Variants in PREP observed in about 807,000 individuals in gnomAD.
PREP encodes the protein dJ355L5.1 (prolyl endopeptidase).
In PREP, 29 loss-of-function variants were observed where a neutral mutation model predicts 87.6. The observed-to-expected ratio is 0.33, with a 90% CI of 0.25 to 0.45. The LOEUF (loss-of-function observed/expected upper bound fraction) is 0.45, where lower values mean the gene tolerates loss of function less well. Among genes scored for constraint, PREP ranks in the 20% least tolerant of loss-of-function variants. PREP has a pLI of 1.00. For synonymous variants in PREP, 337 were observed against 328.6 expected, an observed-to-expected ratio of 1.03 and a Z score of -0.28; for missense variants, 695 against 886.5, an observed-to-expected ratio of 0.78 and a Z score of 2.74.
chr6:105,329,155 A>ATTTT, intron 8 of PREP, 129 bp from the exon 9 acceptor site: 3 of 722,558 alleles, frequency 4.2e-6, no homozygotes, highest in Non-Finnish European at 4.4e-6. Context: ...TCACTTTTAC[A>ATTTT]TTTTTTTTTT....
chr6:105,374,635 TATATATATATATATA>T (rs1772640421), intron 4 of PREP, among the ~76,000 whole-genome samples: 8 of 228 alleles, frequency 0.035, no homozygotes, highest in East Asian at 0.1. Context: ...GAATTGTTTA[TATATATATATATATA>T]TATATATATA....
In PREP at chr6:105,351,086, T is replaced by C. The variant is rs141663782; in HGVS notation, c.823+1886A>G. On this transcript the variant is annotated intron_variant, in intron 7 of 14. Transcript: ENST00000652536. ...CCATGAGCTCACTGTGATGGTCTTT[T>C]TGCTATCAACTTGGCTAGGCTAGTA... Among the ~76,000 whole-genome samples the C allele has an allele frequency of 3.8e-3, 582 of 152,376 alleles. 2 individuals carry two copies. Among genetic ancestry groups the C allele is most frequent in the Middle Eastern group, 0.027 (8 of 294 alleles).
At chr6:105,279,352 TG>T (rs1770020621) in intron 14 of PREP, among the ~76,000 whole-genome samples, 1 of 152,196 alleles carries the variant, frequency 6.6e-6, no homozygotes, top group South Asian at 2.1e-4. Flanking sequence ...CCAGATAAGA[TG>T]GAGATCTGTT....
At chr6:105,298,350 C>T (rs1337010427) in intron 10 of PREP, 1 of 152,526 alleles carries the variant, frequency 6.6e-6, no homozygotes, top group Non-Finnish European at 1.5e-5. Context: ...ACCAGTTCGT[C>T]CAGGCCTTGG....
chr6:105,345,394 C>T (rs1179803506), intron 7 of PREP, among the ~76,000 whole-genome samples: 1 of 152,050 alleles, frequency 6.6e-6, no homozygotes, highest in African/African-American at 2.4e-5. Context: ...AAACCTGCTT[C>T]TTGGTGGGGA....
chr6:105,293,901 A>G (rs1770354045), intron 10 of PREP, among the ~76,000 whole-genome samples: 1 of 152,126 alleles, frequency 6.6e-6, no homozygotes, highest in Admixed American at 6.5e-5. Flanking sequence ...CGTACTTTCT[A>G]CTTCTTTGAT....
chr6:105,329,131 T>C (rs1457048769), intron 8 of PREP, 105 bp from the exon 9 acceptor site: 9 of 1,081,750 alleles, frequency 8.3e-6, no homozygotes, highest in Non-Finnish European at 1.2e-5. Context: ...TATGCAGCAA[T>C]GAGACTTGCA....
At chr6:105,299,392 A>G (rs1231686669) in intron 10 of PREP, among the ~76,000 whole-genome samples, 1 of 152,244 alleles carries the variant, frequency 6.6e-6, no homozygotes, top group East Asian at 1.9e-4. Flanking sequence ...TGAGGACAGG[A>G]GTTCAAGACC....
Position 105,282,503 on chromosome 6 carries a change from T to C in PREP, c.1629A>G (p.Thr543=), listed in dbSNP as rs1770106049. 6.2e-7 allele frequency: 1 copy of C among 1,614,036 alleles called. No homozygotes were observed. The highest frequency in any genetic ancestry group is 1.3e-5 in the African/African-American group (1 of 74,930). The change falls in exon 13 of 15, where the codon ACA becomes ACG. Residue 543 remains threonine, a synonymous_variant. Transcript: ENST00000652536. The part of the protein sequence containing the change: ...AAEYLIKEGY[T]SPKRLTINGG... ...CATTAATAGTCAGCCTCTTGGGAGA[T>C]GTGTAACCTTCCTTGATCAGATACT...
intron 2 of PREP, among the ~76,000 whole-genome samples, chr6:105,388,491 G>C (rs1172958659): frequency 6.6e-6 from 1 of 151,584 alleles, no homozygotes; most frequent in Non-Finnish European, 1.5e-5. Flanking sequence ...ATTGGGGGGT[G>C]GGGGTGGGGA....
rs1159571761 is a variant in PREP at position 105,402,867 on chromosome 6, C to T, written c.25G>A (p.Val9Met). 2 of 1,543,866 alleles carry T rather than the reference C, an allele frequency of 1.3e-6. No homozygotes were observed. Among genetic ancestry groups the T allele is most frequent in the South Asian group, 1.2e-5 (1 of 83,442 alleles). Residue 9 changes from valine to methionine, a missense_variant, in exon 1 of 15, where the codon GTG becomes ATG. By Grantham distance (21) the Val-to-Met change is conservative. This residue lies in a region of PREP where 517 missense variants were observed against 620.3 expected (regional missense o/e 0.83). Transcript: ENST00000652536. ...CTTACGGCGGTCTCGTCGCGGTACA[C>T]GTCGGGGTACTGAAGGGACAGCATG... Reference protein sequence around the residue: MLSLQYPDVYRDETAVQDY... With the variant: MLSLQYPDMYRDETAVQDY...
At chr6:105,279,506 T>C (rs988348588) in intron 14 of PREP, among the ~76,000 whole-genome samples, 2 of 152,242 alleles carry the variant, frequency 1.3e-5, no homozygotes, top group African/African-American at 4.8e-5. Context: ...TATTTATACA[T>C]TATCTGTAGG....
At chr6:105,368,503 A>C (rs1347382832) in intron 6 of PREP, among the ~76,000 whole-genome samples, 1 of 152,168 alleles carries the variant, frequency 6.6e-6, no homozygotes, top group African/African-American at 2.4e-5. Flanking sequence ...CAGTTGTATA[A>C]AAAAGGGAAA....
Position 105,379,302 on chromosome 6 carries a change from T to C in PREP, c.121-1783A>G, listed in dbSNP as rs552953928. On this transcript the variant is annotated intron_variant, in intron 2 of 14. Coordinates refer to ENST00000652536, the MANE Select transcript of PREP (RefSeq NM_002726.5). Reference sequence around the variant, plus strand: ...CAGAGACTTATGTGGCTTGCAACATTTAAAATATTTACTATGTGGCCCTTT... The same window carrying C: ...CAGAGACTTATGTGGCTTGCAACATCTAAAATATTTACTATGTGGCCCTTT... Among the ~76,000 whole-genome samples the C allele has an allele frequency of 7.2e-5, 11 of 152,304 alleles. 1 individual carries two copies. The highest frequency in any genetic ancestry group is 1.3e-4 in the Admixed American group (2 of 15,304).
chr6:105,291,450 G>A (rs1235376794), intron 10 of PREP, among the ~76,000 whole-genome samples: 2 of 152,196 alleles, frequency 1.3e-5, no homozygotes, highest in African/African-American at 2.4e-5. Flanking sequence ...ATTTGAGTCA[G>A]TGGGCTGGGG....
intron 2 of PREP, among the ~76,000 whole-genome samples, chr6:105,386,457 T>A (rs1033294912): frequency 9.2e-5 from 14 of 151,740 alleles, no homozygotes; most frequent in African/African-American, 2.7e-4. Context: ...CTCCAGAGAG[T>A]CATGTATATG....
intron 2 of PREP, among the ~76,000 whole-genome samples, chr6:105,387,874 A>G (rs1470368736): frequency 2.0e-5 from 3 of 152,180 alleles, no homozygotes; most frequent in African/African-American, 4.8e-5. Context: ...CTCCCAAGCT[A>G]CAAGGCAAAT....
intron 10 of PREP, among the ~76,000 whole-genome samples, chr6:105,295,874 C>T (rs1339082156): frequency 6.6e-6 from 1 of 152,206 alleles, no homozygotes; most frequent in Non-Finnish European, 1.5e-5. Context: ...TACAGATGCA[C>T]ACACATTTAA....
intron 6 of PREP, among the ~76,000 whole-genome samples, chr6:105,354,817 C>T (rs1479309409): frequency 6.6e-6 from 1 of 152,154 alleles, no homozygotes; most frequent in African/African-American, 2.4e-5. Flanking sequence ...TACATACATA[C>T]ACACATCCTA....
Sources: gnomAD v4.1 joint callset for allele counts (sites outside exome capture counted in the v4.1 genomes callset) on GRCh38, gnomAD v4.1.1 for gene constraint, gnomAD v4.1.1 regional missense constraint, MANE v1.5 for transcripts, NCBI Gene and HGNC (gene_info 2026-07-23, HGNC 2026-07-21) for gene names.